The following MACROD2 variants were observed in gnomAD, a reference collection of about 807,000 sequenced individuals.
The protein encoded by MACROD2 is ADP-ribose glycohydrolase MACROD2.
A neutral mutation model predicts 70.4 loss-of-function variants in MACROD2; 36 were observed. The ratio of observed to expected loss-of-function variants is 0.51; its 90% CI spans 0.39 to 0.68. MACROD2 has a LOEUF of 0.68. MACROD2 is among the 30% of genes least tolerant of loss of function. The pLI, the probability that MACROD2 is intolerant of heterozygous loss-of-function variation, is 0.00. For missense variants in MACROD2, 496 were observed against 538.4 expected, an observed-to-expected ratio of 0.92 and a Z score of 0.78; for synonymous variants, 172 against 178.8, an observed-to-expected ratio of 0.96 and a Z score of 0.30.
chr20:15,420,760 TA>T (rs2046217090), intron 6 of MACROD2, among the ~76,000 whole-genome samples: 1 of 152,174 alleles, frequency 6.6e-6, no homozygotes, highest in Non-Finnish European at 1.5e-5. Flanking sequence ...GAATAGATCC[TA>T]CCAGAATATA....
At chr20:14,653,728 G>A (rs1168279463) in intron 4 of MACROD2, among the ~76,000 whole-genome samples, 2 of 152,164 alleles carry the variant, frequency 1.3e-5, no homozygotes, top group Non-Finnish European at 2.9e-5. Flanking sequence ...CACCTCAGGT[G>A]TTCTTTACTG....
At chr20:14,598,260 G>A (rs559357908) in intron 4 of MACROD2, among the ~76,000 whole-genome samples, 2 of 152,152 alleles carry the variant, frequency 1.3e-5, no homozygotes, top group African/African-American at 4.8e-5. Flanking sequence ...TCTGATATTT[G>A]TGGTTTAAAA....
intron 8 of MACROD2, among the ~76,000 whole-genome samples, chr20:15,736,233 G>A (rs1192631486): frequency 6.6e-6 from 1 of 152,178 alleles, no homozygotes; most frequent in African/African-American, 2.4e-5. Context: ...ACATTGGAAT[G>A]ACCCACATCC....
chr20:14,638,192 C>T (rs1391099913), intron 4 of MACROD2, among the ~76,000 whole-genome samples: 1 of 151,998 alleles, frequency 6.6e-6, no homozygotes, highest in Non-Finnish European at 1.5e-5. Context: ...CTATCATGAG[C>T]CAATGTCTAA....
rs1483818068 is a variant in MACROD2 at position 14,862,125 on chromosome 20, A to ATT, written c.418+177166_418+177167insTT. Among the ~76,000 whole-genome samples, 6 of 1,782 alleles carry ATT rather than the reference A, an allele frequency of 3.4e-3. 2 individuals carry two copies. Among genetic ancestry groups the ATT allele is most frequent in the African/African-American group, 6.6e-3 (3 of 454 alleles). 1.2% of individuals were successfully genotyped at this position (1,782 alleles called of 152,430 possible). On this transcript the variant is annotated intron_variant, in intron 5 of 17. Coordinates refer to ENST00000684519, the MANE Select transcript of MACROD2 (RefSeq NM_001351661.2). ...TTTATACATAAATATATAAATATAT[A>ATT]ATATATATAAATATATATTATACAT...
At chr20:15,756,443 CAT>C (rs1282191559) in intron 8 of MACROD2, among the ~76,000 whole-genome samples, 2 of 152,038 alleles carry the variant, frequency 1.3e-5, no homozygotes, top group African/African-American at 2.4e-5. Flanking sequence ...GGTCACATAT[CAT>C]ATTGATTTTT....
intron 3 of MACROD2, among the ~76,000 whole-genome samples, chr20:14,140,038 C>T (rs185176329): frequency 3.9e-5 from 6 of 152,080 alleles, no homozygotes; most frequent in African/African-American, 1.4e-4. Context: ...GCAAATACGC[C>T]AAAAATCTGA....
At chr20:14,224,108 A>T (rs981212475) in intron 3 of MACROD2, among the ~76,000 whole-genome samples, 19 of 109,766 alleles carry the variant, frequency 1.7e-4, no homozygotes, top group South Asian at 3.7e-4. Flanking sequence ...AAGTCAACTG[A>T]TTTAATATCA....
chr20:15,946,881 G>T (rs572390937), intron 12 of MACROD2, among the ~76,000 whole-genome samples: 11 of 152,116 alleles, frequency 7.2e-5, no homozygotes, highest in African/African-American at 2.4e-4. Context: ...AGAGGAATGC[G>T]GCAGGAGAGC....
At chr20:14,637,116 G>A (rs1369940762) in intron 4 of MACROD2, among the ~76,000 whole-genome samples, 1 of 152,170 alleles carries the variant, frequency 6.6e-6, no homozygotes, top group Non-Finnish European at 1.5e-5. Flanking sequence ...GTGGGAGGAA[G>A]GAATGGCCTG....
intron 7 of MACROD2, among the ~76,000 whole-genome samples, chr20:15,434,085 A>C (rs1284728541): frequency 6.6e-6 from 1 of 152,056 alleles, no homozygotes; most frequent in African/African-American, 2.4e-5. Flanking sequence ...GAAACCATAA[A>C]AATTCTGGAA....
In MACROD2 at chr20:14,324,514, T is replaced by A. The variant is rs1387034629; in HGVS notation, c.272-168965T>A. 3 of 152,568 alleles carry A rather than the reference T, an allele frequency of 2.0e-5. 1 individual carries two copies. The highest frequency in any genetic ancestry group is 7.2e-5 in the African/African-American group (3 of 41,450). 9.5% of individuals were successfully genotyped at this position (152,568 alleles called of 1,614,324 possible). A position where few individuals can be genotyped will look rare whatever the true frequency, so the allele number is the denominator to read the frequency against. ...ACATAAACCAGATCTAAATTTGATG[T>A]CTAGTATTTATTTTTCTTTAAATTA... is the stretch of plus-strand genomic sequence containing the variant. On this transcript the variant is annotated intron_variant, in intron 3 of 17. Coordinates refer to ENST00000684519, the MANE Select transcript of MACROD2 (RefSeq NM_001351661.2).
chr20:15,435,373 C>T (rs1361320995), intron 7 of MACROD2, among the ~76,000 whole-genome samples: 1 of 152,032 alleles, frequency 6.6e-6, no homozygotes, highest in Non-Finnish European at 1.5e-5. Context: ...ATTTGTTCCA[C>T]ACACAATGTA....
chr20:15,490,018 A>G (rs1476859489), intron 7 of MACROD2, among the ~76,000 whole-genome samples: 2 of 152,110 alleles, frequency 1.3e-5, no homozygotes, highest in Non-Finnish European at 2.9e-5. Flanking sequence ...CCACCACAGC[A>G]TATCATTACT....
At chr20:15,354,057 T>A (rs1322611972) in intron 6 of MACROD2, among the ~76,000 whole-genome samples, 1 of 150,608 alleles carries the variant, frequency 6.6e-6, no homozygotes, top group Non-Finnish European at 1.5e-5. Context: ...ACACGTATGT[T>A]TATTGTGGCA....
At chr20:15,737,828 A>G (rs573323365) in intron 8 of MACROD2, among the ~76,000 whole-genome samples, 1 of 152,198 alleles carries the variant, frequency 6.6e-6, no homozygotes, top group South Asian at 2.1e-4. Flanking sequence ...GACATATGTA[A>G]TGGACTGGAA....
chr20:15,065,757 G>A (rs993295087), intron 5 of MACROD2, among the ~76,000 whole-genome samples: 18 of 151,770 alleles, frequency 1.2e-4, no homozygotes, highest in African/African-American at 4.4e-4. Context: ...TCTCATAAAA[G>A]TTGCTGAGAA....
At chr20:14,827,449 A>G (rs181081445) in intron 5 of MACROD2, among the ~76,000 whole-genome samples, 2 of 152,258 alleles carry the variant, frequency 1.3e-5, no homozygotes, top group African/African-American at 4.8e-5. Flanking sequence ...CTTTGTTTAC[A>G]TGGTACGTGG....
At chr20:14,072,427 G>A (rs1181136391) in intron 2 of MACROD2, among the ~76,000 whole-genome samples, 1 of 119,658 alleles carries the variant, frequency 8.4e-6, no homozygotes, top group African/African-American at 3.2e-5. Context: ...TCAAATCCCA[G>A]CCTTCTTACC....
Sources: gnomAD v4.1 joint callset for allele counts (sites outside exome capture counted in the v4.1 genomes callset) on GRCh38, gnomAD v4.1.1 for gene constraint, MANE v1.5 for transcripts, NCBI Gene and HGNC (gene_info 2026-07-23, HGNC 2026-07-21) for gene names.